KMT2E: variants seen among roughly 807,000 people sequenced by gnomAD.
KMT2E encodes the protein lysine methyltransferase 2E (inactive).
Under a neutral mutation model 184.6 loss-of-function variants are expected in KMT2E, and 30 were observed. The ratio of observed to expected loss-of-function variants is 0.16; its 90% CI spans 0.12 to 0.22. The LOEUF (loss-of-function observed/expected upper bound fraction) is 0.22, where lower values mean the gene tolerates loss of function less well. KMT2E is among the 10% of genes least tolerant of loss of function. The pLI is 1.00. For missense variants in KMT2E, 2,023 were observed against 2,237.4 expected, an observed-to-expected ratio of 0.90 and a Z score of 1.93; for synonymous variants, 815 against 776.5, an observed-to-expected ratio of 1.05 and a Z score of -0.82.
intron 11 of KMT2E, 145 bp downstream of exon 11, chr7:105,077,578 C>T (rs1192166277): frequency 1.6e-6 from 1 of 619,242 alleles, no homozygotes; most frequent in Admixed American, 3.2e-5. Flanking sequence ...TGAACAGTGA[C>T]TGATGATAAT....
chr7:105,090,375 T>C, intron 14 of KMT2E, 102 bp downstream of exon 14: 1 of 1,307,706 alleles, frequency 7.6e-7, no homozygotes, highest in Non-Finnish European at 1.0e-6. Flanking sequence ...AAAGTATTTT[T>C]AAGTCCATTC....
chr7:105,043,447 G>T lies in KMT2E; in HGVS notation c.71+2424G>T, dbSNP rs549940769. On this transcript the variant is annotated intron_variant, in intron 3 of 26. Transcript: ENST00000311117. ...GAGACGGGGTTTCACCGTTTTAGCC[G>T]GGATGGTCTCGATCTCCTGACCTCG... Among the ~76,000 whole-genome samples, 180 of 151,404 alleles carry T rather than the reference G, an allele frequency of 1.2e-3. 1 individual carries two copies. Among genetic ancestry groups the T allele is most frequent in the Middle Eastern group, 3.4e-3 (1 of 294 alleles).
chr7:105,071,044 T>A (rs1270410355), intron 6 of KMT2E, among the ~76,000 whole-genome samples: 2 of 152,170 alleles, frequency 1.3e-5, no homozygotes, highest in African/African-American at 4.8e-5. Context: ...TATGTAGATA[T>A]GTATCTATAT....
At chr7:105,083,118 T>G (rs1370050045) in intron 13 of KMT2E, among the ~76,000 whole-genome samples, 1 of 152,244 alleles carries the variant, frequency 6.6e-6, no homozygotes, top group Non-Finnish European at 1.5e-5. Flanking sequence ...TGTGAAGTCA[T>G]GCACAACATC....
intron 1 of KMT2E, among the ~76,000 whole-genome samples, chr7:105,031,100 TA>T (rs1331489913): frequency 1.3e-5 from 2 of 152,164 alleles, no homozygotes; most frequent in Non-Finnish European, 2.9e-5. Flanking sequence ...CTCATGCCTG[TA>T]ATCCTAACAC....
intron 6 of KMT2E, among the ~76,000 whole-genome samples, chr7:105,070,632 C>CAAA (rs57911728): frequency 1.8e-4 from 11 of 59,504 alleles, no homozygotes; most frequent in Admixed American, 4.3e-4. Context: ...GACTGTGTCT[C>CAAA]AAAAAAAAAA....
chr7:105,045,579 A>T lies in KMT2E; in HGVS notation c.71+4556A>T, dbSNP rs546169579. ...TTATGTCTGGCTTATTTTACTTAGC[A>T]TAATGTTTTCAGGATTCAACCATGT... On this transcript the variant is annotated intron_variant, in intron 3 of 26. Transcript: ENST00000311117. Among the ~76,000 whole-genome samples the T allele has an allele frequency of 3.9e-5, 6 of 152,318 alleles. No homozygotes were observed. The South Asian group carries it at 1.2e-3, about 32-fold the overall frequency.
chr7:105,070,408 A>C (rs1373335203), intron 6 of KMT2E, among the ~76,000 whole-genome samples: 1 of 151,814 alleles, frequency 6.6e-6, no homozygotes, highest in Non-Finnish European at 1.5e-5. Flanking sequence ...AGGCGGGTGG[A>C]TCACTTGAGG....
chr7:105,085,921 C>A (rs944260569), intron 13 of KMT2E, among the ~76,000 whole-genome samples: 1 of 152,206 alleles, frequency 6.6e-6, no homozygotes, highest in Non-Finnish European at 1.5e-5. Context: ...GTCCGCCCGC[C>A]TCGGCCTCCC....
chr7:105,078,374 T>G (rs928127727), intron 11 of KMT2E, among the ~76,000 whole-genome samples: 5 of 152,218 alleles, frequency 3.3e-5, no homozygotes, highest in Admixed American at 3.3e-4. Context: ...GAGTGAATTG[T>G]GGAGTCAGAC....
chr7:105,114,493 C>G lies in KMT2E; in HGVS notation c.*1160C>G, dbSNP rs900070474. On this transcript the variant is annotated 3_prime_UTR_variant, in exon 27 of 27. Coordinates refer to ENST00000311117, the MANE Select transcript of KMT2E (RefSeq NM_182931.3). ...AAATGAAAATGGCCTCTTAAGTGAA[C>G]GTTTTTATTGCTAAAATATAAAATG... 3 of 152,068 alleles carry G rather than the reference C, an allele frequency of 2.0e-5. No homozygotes were observed. The highest frequency in any genetic ancestry group is 7.2e-5 in the African/African-American group (3 of 41,402). The allele number at this position is 152,068 out of a possible 1,614,324, so 9.4% of individuals were successfully genotyped here. A position where few individuals can be genotyped will look rare whatever the true frequency, so the allele number is the denominator to read the frequency against.
intron 17 of KMT2E, chr7:105,104,012 G>C (rs1798785098): frequency 6.6e-6 from 1 of 151,524 alleles, no homozygotes; most frequent in Non-Finnish European, 1.5e-5. Context: ...TATTTTAGTA[G>C]AAACAGGTTT....
rs1797454966 is a variant in KMT2E, at chr7:105,074,656, T to C, written c.570T>C (p.Ser190=). The change falls in exon 8 of 27, where the codon AGT becomes AGC. Residue 190 remains serine, a synonymous_variant. Transcript: ENST00000311117. ...KRENMSDGDT[S]ATESGDEVPV... is the part of the protein sequence containing the mutation. ...TTTTGTCTGAAGATGGTGATACCAG[T>C]GCAACTGAGAGTGGTGATGAGGTTC... is the stretch of plus-strand genomic sequence containing the variant. 6.5e-7 allele frequency: 1 copy of C among 1,549,072 alleles called. No homozygotes were observed. The highest frequency in any genetic ancestry group is 8.7e-7 in the Non-Finnish European group (1 of 1,149,424).
At chr7:105,016,455 A>G (rs1050091307) in intron 1 of KMT2E, among the ~76,000 whole-genome samples, 2 of 152,192 alleles carry the variant, frequency 1.3e-5, no homozygotes, top group African/African-American at 4.8e-5. Context: ...GGATTGTGGA[A>G]TTTAGTCTGT....
At position 105,056,204 on chromosome 7, in the gene KMT2E, G is replaced by A. The variant is rs541740783; in HGVS notation, c.72-5960G>A. Among the ~76,000 whole-genome samples the A allele has an allele frequency of 4.9e-4, 75 of 152,272 alleles. No individual in the cohort carries two copies. The South Asian group carries it at 0.015, about 31-fold the overall frequency. ...ATTTGGAGCTAGGAAAAAAAATTAA[G>A]TATATTTAGAATCATTCCGGATGAC... is the stretch of plus-strand genomic sequence containing the variant. On this transcript the variant is annotated intron_variant, in intron 3 of 26. Coordinates refer to ENST00000311117, the MANE Select transcript of KMT2E (RefSeq NM_182931.3).
At chr7:105,091,472 T>A (rs1445002178) in intron 15 of KMT2E, 158 bp downstream of exon 15, 1 of 649,600 alleles carries the variant, frequency 1.5e-6, no homozygotes, top group African/African-American at 1.8e-5. Flanking sequence ...TTTAAATAAA[T>A]TCCATTAATC....
At chr7:105,026,974 C>T (rs1266291397) in intron 1 of KMT2E, among the ~76,000 whole-genome samples, 2 of 152,052 alleles carry the variant, frequency 1.3e-5, no homozygotes, top group African/African-American at 4.8e-5. Flanking sequence ...ACAGCAATTT[C>T]CTCATGCTTA....
At position 105,112,655 on chromosome 7, in the gene KMT2E, ACCTGCTCCAGGACCG is replaced by A. The variant is rs1465254471; in HGVS notation, c.4901_4915del (p.Pro1634_Pro1638del). 1 of 1,612,722 alleles carries A rather than the reference ACCTGCTCCAGGACCG, an allele frequency of 6.2e-7. No homozygotes were observed. The highest frequency in any genetic ancestry group is 1.1e-5 in the South Asian group (1 of 90,994). On this transcript the variant is annotated inframe_deletion, in exon 27 of 27. Transcript: ENST00000311117. ...TAGTCCCCCCTCCTCCTCCACCACC[ACCTGCTCCAGGACCG>A]CACCTTGTACAACAGCCGAATTCCC...
At chr7:105,079,705 T>G (rs553735766) in intron 12 of KMT2E, among the ~76,000 whole-genome samples, 1 of 151,012 alleles carries the variant, frequency 6.6e-6, no homozygotes, top group Non-Finnish European at 1.5e-5. Flanking sequence ...TTTAAATTTT[T>G]GCAGAGATGG....
Sources: gnomAD v4.1 joint callset for allele counts (sites outside exome capture counted in the v4.1 genomes callset) on GRCh38, gnomAD v4.1.1 for gene constraint, MANE v1.5 for transcripts, NCBI Gene and HGNC (gene_info 2026-07-23, HGNC 2026-07-21) for gene names.